Variants in MCM9 observed in about 807,000 individuals in gnomAD.
MCM9 encodes the protein DNA helicase MCM9.
MCM9 carries 55 observed loss-of-function variants against 72.8 expected under a neutral mutation model. The observed-to-expected ratio is 0.76, with a 90% CI of 0.61 to 0.95. The LOEUF (loss-of-function observed/expected upper bound fraction) is 0.95, where lower values mean the gene tolerates loss of function less well. Among genes scored for constraint, MCM9 ranks in the 40% least tolerant of loss-of-function variants. MCM9 has a pLI of 0.00. For missense variants in MCM9, 1,279 were observed against 1,377.0 expected (o/e 0.93, Z 1.13); for synonymous variants, 480 against 503.4 (o/e 0.95, Z 0.62).
At chr6:118,893,229 C>A (rs1434527005) in intron 8 of MCM9, among the ~76,000 whole-genome samples, 1 of 152,210 alleles carries the variant, frequency 6.6e-6, no homozygotes, top group African/African-American at 2.4e-5. Flanking sequence ...TGGTTACAGG[C>A]AAGCAAGGGC....
Position 118,922,038 on chromosome 6 carries a change from G to C in MCM9, c.670C>G (p.Leu224Val), listed in dbSNP as rs1412580962. 4.3e-6 allele frequency: 7 copies of C among 1,612,626 alleles called. No homozygotes were observed. The highest frequency in any genetic ancestry group is 5.1e-6 in the Non-Finnish European group (6 of 1,179,362). The change falls in exon 5 of 14, where the codon CTG (leucine) becomes GTG (valine). Residue 224 changes from leucine (L) to valine (V), a missense_variant. Leu to Val is a conservative substitution (Grantham distance 32). Transcript: ENST00000619706. The stretch of plus-strand genomic sequence containing the variant: ...CAACTATCCACTAAGTCATCTTCCA[G>C]AATAACCTTCATAGATCGTGGAATA... ...GSIPRSMKVI[L>V]EDDLVDSCKS...
intron 8 of MCM9, among the ~76,000 whole-genome samples, chr6:118,898,313 T>C (rs559833392): frequency 2.5e-4 from 38 of 152,348 alleles, no homozygotes; most frequent in South Asian, 2.5e-3. Context: ...ATTATGGCTA[T>C]GTTCCTATGC....
At chr6:118,894,497 C>G in intron 8 of MCM9, 1 of 1,537,182 alleles carries the variant, frequency 6.5e-7, no homozygotes, top group Non-Finnish European at 8.7e-7. Context: ...AGATCACCTT[C>G]GAGTGCATCG....
intron 3 of MCM9, among the ~76,000 whole-genome samples, chr6:118,926,883 T>A (rs1053699910): frequency 6.6e-6 from 1 of 152,190 alleles, no homozygotes; most frequent in Non-Finnish European, 1.5e-5. Flanking sequence ...CTAAGTACTC[T>A]CTATTGTACA....
intron 6 of MCM9, among the ~76,000 whole-genome samples, chr6:118,915,020 A>T (rs943381924): frequency 1.3e-5 from 2 of 152,214 alleles, no homozygotes; most frequent in Non-Finnish European, 2.9e-5. Context: ...TATAGTGGGA[A>T]CTACTTAACT....
At chr6:118,931,835 G>A (rs944193863) in intron 2 of MCM9, 97 bp from the exon 3 acceptor site, 10 of 883,412 alleles carry the variant, frequency 1.1e-5, no homozygotes, top group Admixed American at 5.9e-5. Flanking sequence ...CTGGCTTTGG[G>A]TCATACTATA....
intron 8 of MCM9, among the ~76,000 whole-genome samples, chr6:118,890,127 C>T (rs1283450134): frequency 6.6e-6 from 1 of 152,162 alleles, no homozygotes; most frequent in Non-Finnish European, 1.5e-5. Flanking sequence ...GTCTCCTTCT[C>T]TCTCCCAGTA....
Position 118,887,878 on chromosome 6 carries a change from C to T in MCM9, c.1150+23772G>A, listed in dbSNP as rs145044571. ...ACTCAGGAGGTTGAGGTGGGAAGAT[C>T]ACTTGAGCCCAGGAGTTCAAGTCCA... On this transcript the variant is annotated intron_variant, in intron 8 of 13. Transcript: ENST00000619706. Among the ~76,000 whole-genome samples, 226 of 152,208 alleles carry T rather than the reference C, an allele frequency of 1.5e-3. 2 individuals carry two copies. The highest frequency in any genetic ancestry group is 5.3e-3 in the African/African-American group (221 of 41,528).
At chr6:118,906,977 A>T (rs972572852) in intron 8 of MCM9, among the ~76,000 whole-genome samples, 1 of 152,228 alleles carries the variant, frequency 6.6e-6, no homozygotes, top group African/African-American at 2.4e-5. Flanking sequence ...CATCTTTAAA[A>T]GGTGTAGGAA....
chr6:118,902,738 A>G (rs1193579801), intron 8 of MCM9, among the ~76,000 whole-genome samples: 1 of 152,206 alleles, frequency 6.6e-6, no homozygotes, highest in African/African-American at 2.4e-5. Context: ...ATGTTGCCAA[A>G]AAGAACAGAG....
At chr6:118,916,597 T>G (rs939007354) in intron 6 of MCM9, among the ~76,000 whole-genome samples, 1 of 151,748 alleles carries the variant, frequency 6.6e-6, no homozygotes, top group Non-Finnish European at 1.5e-5. Context: ...TTGCTGGGAC[T>G]ACAGGTGCAC....
At chr6:118,868,969 G>A (rs1777401488) in intron 8 of MCM9, among the ~76,000 whole-genome samples, 1 of 152,212 alleles carries the variant, frequency 6.6e-6, no homozygotes, top group Non-Finnish European at 1.5e-5. Context: ...ACACACGTAT[G>A]TTTATGGCAG....
intron 3 of MCM9, among the ~76,000 whole-genome samples, chr6:118,929,288 C>A (rs1248361676): frequency 2.6e-5 from 4 of 152,184 alleles, no homozygotes; most frequent in African/African-American, 7.2e-5. Flanking sequence ...AGCTCCCATA[C>A]AATAATGCTT....
At chr6:118,834,085 C>T (rs1052938160) in intron 9 of MCM9, among the ~76,000 whole-genome samples, 3 of 152,032 alleles carry the variant, frequency 2.0e-5, no homozygotes, top group Admixed American at 2.0e-4. Context: ...CATTGTTCAA[C>T]TCCCACTTAT....
chr6:118,902,023 T>G (rs771147099), intron 8 of MCM9, among the ~76,000 whole-genome samples: 6 of 152,226 alleles, frequency 3.9e-5, no homozygotes, highest in Non-Finnish European at 5.9e-5. Context: ...CTTAGTACTT[T>G]TGATTAAAAA....
At chr6:118,837,586 GTCT>G (rs2114597503) in intron 9 of MCM9, among the ~76,000 whole-genome samples, 1 of 152,216 alleles carries the variant, frequency 6.6e-6, no homozygotes, top group South Asian at 2.1e-4. Flanking sequence ...GGATAGTTAG[GTCT>G]TCTTGTTGCA....
At chr6:118,840,682 C>T (rs1230520594) in intron 9 of MCM9, among the ~76,000 whole-genome samples, 1 of 151,364 alleles carries the variant, frequency 6.6e-6, no homozygotes, top group Non-Finnish European at 1.5e-5. Context: ...TCTCACAATC[C>T]ATTATATATA....
intron 8 of MCM9, among the ~76,000 whole-genome samples, chr6:118,900,436 AG>A (rs1268687657): frequency 5.3e-5 from 8 of 152,336 alleles, no homozygotes; most frequent in Middle Eastern, 3.4e-3. Flanking sequence ...TCTTTACTGA[AG>A]GATATCTCAG....
chr6:118,816,182 G>A lies in MCM9; in HGVS notation c.2074C>T (p.Gln692Ter). ...GEESNFRTSSQQEINYSTHIF... is the reference protein window; with the variant it reads ...GEESNFRTSS Reference sequence around the variant, plus strand: ...TGTGTGCTATAGTTGATTTCCTGCTGTGATGAAGTTCTGAAGTTTGATTCT... The same window carrying A: ...TGTGTGCTATAGTTGATTTCCTGCTATGATGAAGTTCTGAAGTTTGATTCT... Residue 692 changes from glutamine (Q) to a stop codon, truncating the protein, a stop_gained, in exon 14 of 14, where the codon CAG becomes TAG. Coordinates refer to ENST00000619706, the MANE Select transcript of MCM9 (RefSeq NM_017696.3). LOFTEE classifies it low-confidence loss of function (END_TRUNC). 6.4e-7 allele frequency: 1 copy of A among 1,550,502 alleles called. No individual in the cohort carries two copies. Among genetic ancestry groups the A allele is most frequent in the Non-Finnish European group, 8.7e-7 (1 of 1,146,964 alleles).
Sources: allele counts gnomAD v4.1 joint callset (sites outside exome capture counted in the v4.1 genomes callset), GRCh38; gene constraint gnomAD v4.1.1; transcripts MANE v1.5; gene names NCBI Gene and HGNC (gene_info 2026-07-23, HGNC 2026-07-21).